Variants in ZNF75D observed in about 807,000 individuals in gnomAD.
ZNF75D encodes the protein zinc finger protein 75.
A neutral mutation model predicts 33.3 loss-of-function variants in ZNF75D; 33 were observed. The ratio of observed to expected loss-of-function variants is 0.99; its 90% CI spans 0.75 to 1.32. ZNF75D has a LOEUF of 1.32. Ranked by LOEUF, ZNF75D falls within the 40% of genes most tolerant of loss-of-function variation. The probability of loss-of-function intolerance (pLI) is 0.00; values close to 1 mark genes in which losing one functional copy is unlikely to be tolerated. For missense variants in ZNF75D, 338 were observed against 367.5 expected, an observed-to-expected ratio of 0.92 and a Z score of 0.66; for synonymous variants, 113 against 130.6, an observed-to-expected ratio of 0.87 and a Z score of 0.92.
intron 1 of ZNF75D, among the ~76,000 whole-genome samples, chrX:135,256,889 C>T (rs1556414274): frequency 8.9e-6 from 1 of 111,924 alleles, no homozygotes; most frequent in Non-Finnish European, 1.9e-5. Flanking sequence ...GGCTCCTTTT[C>T]CAGGCCCTAG....
intron 1 of ZNF75D, among the ~76,000 whole-genome samples, chrX:135,278,454 C>G (rs1324261998): frequency 1.8e-5 from 2 of 111,499 alleles, no homozygotes; most frequent in African/African-American, 3.3e-5. Flanking sequence ...TTGACTTCCT[C>G]TCTTTCTATT....
At chrX:135,328,106 TTG>T (rs1173631307) in intron 1 of ZNF75D, among the ~76,000 whole-genome samples, 1 of 111,536 alleles carries the variant, frequency 9.0e-6, no homozygotes, top group Non-Finnish European at 1.9e-5. Context: ...GGACAGAGCT[TTG>T]TGTTTTTTAT....
intron 1 of ZNF75D, among the ~76,000 whole-genome samples, chrX:135,256,486 T>C (rs991766508): frequency 1.8e-5 from 2 of 112,080 alleles, no homozygotes; most frequent in Non-Finnish European, 3.8e-5. Context: ...CAGTTGAAAC[T>C]TGAGCTTCTT....
At chrX:135,327,902 A>C (rs1048581407) in intron 1 of ZNF75D, 1 of 112,178 alleles carries the variant, frequency 8.9e-6, no homozygotes, top group African/African-American at 3.2e-5. Context: ...TATCACTTTT[A>C]TAATACACAA....
At chrX:135,325,090 A>G (rs187527605) in intron 1 of ZNF75D, among the ~76,000 whole-genome samples, 24 of 110,390 alleles carry the variant, frequency 2.2e-4, no homozygotes, top group African/African-American at 7.2e-4. Context: ...ACTTTCAAGG[A>G]AATGTATATC....
chrX:135,302,164 C>T, intron 1 of ZNF75D, among the ~76,000 whole-genome samples: 1 of 112,203 alleles, frequency 8.9e-6, no homozygotes, highest in Non-Finnish European at 1.9e-5. Context: ...TAAGCAAACA[C>T]ATATGTTACA....
At chrX:135,291,908 T>C (rs1330063128) in intron 4 of ZNF75D, among the ~76,000 whole-genome samples, 4 of 112,213 alleles carry the variant, frequency 3.6e-5, no homozygotes, top group Non-Finnish European at 7.5e-5. Context: ...TGGGAGACTT[T>C]TGTCTTTTAT....
chrX:135,262,892 T>A (rs1465530317), intron 1 of ZNF75D, among the ~76,000 whole-genome samples: 1 of 112,753 alleles, frequency 8.9e-6, no homozygotes, highest in African/African-American at 3.2e-5. Context: ...TTTAGAATTT[T>A]CAACTTTTCT....
chrX:135,301,523 C>T (rs1224574869), intron 1 of ZNF75D, among the ~76,000 whole-genome samples: 1 of 112,139 alleles, frequency 8.9e-6, no homozygotes, highest in Non-Finnish European at 1.9e-5. Flanking sequence ...GGGATATAGG[C>T]GTTGGATAAA....
intron 1 of ZNF75D, chrX:135,298,442 G>A (rs2084165654): frequency 9.0e-6 from 1 of 110,703 alleles, no homozygotes; most frequent in Non-Finnish European, 1.9e-5. Flanking sequence ...CGAAGGAGAT[G>A]CAACAAGTAT....
Position 135,287,395 on chromosome X carries a change from C to T in ZNF75D, c.1275G>A (p.Trp425Ter), listed in dbSNP as rs1374508275. 1 of 1,211,528 alleles carries T rather than the reference C, an allele frequency of 8.3e-7. No homozygotes were observed. The change falls in exon 7 of 7, where the codon TGG becomes TGA. Residue 425 changes from tryptophan (W) to a stop codon, truncating the protein, a stop_gained. Coordinates refer to ENST00000370766, the MANE Select transcript of ZNF75D (RefSeq NM_007131.5). LOFTEE classifies it high-confidence loss of function. Reference sequence around the variant, plus strand: ...TGTTATGACTAAAGCTTTTCCCACACCATGAGCATCTATATGGTTTTATTC... The same window carrying T: ...TGTTATGACTAAAGCTTTTCCCACATCATGAGCATCTATATGGTTTTATTC... The part of the protein sequence containing the change: ...HQGIKPYRCS[W>*]CGKSFSHNTN...
chrX:135,299,121 T>C (rs1206731222), intron 1 of ZNF75D, among the ~76,000 whole-genome samples: 3 of 112,310 alleles, frequency 2.7e-5, no homozygotes, highest in Non-Finnish European at 5.6e-5. Flanking sequence ...TGTGGACATA[T>C]ATTTTTATTT....
intron 4 of ZNF75D, 75 bp downstream of exon 4, chrX:135,292,206 A>C (rs1188552659): frequency 1.9e-6 from 2 of 1,054,620 alleles, no homozygotes; most frequent in Admixed American, 2.4e-5. Flanking sequence ...CACCTGGAAA[A>C]TTCCCAGGAC....
chrX:135,326,515 G>A (rs782335368), intron 1 of ZNF75D, among the ~76,000 whole-genome samples: 1 of 112,307 alleles, frequency 8.9e-6, no homozygotes, highest in African/African-American at 3.2e-5. Flanking sequence ...TCAGCAGGAT[G>A]TGGGTGGGGC....
chrX:135,331,860 C>T (rs1303619714), intron 1 of ZNF75D, among the ~76,000 whole-genome samples: 1 of 111,885 alleles, frequency 8.9e-6, no homozygotes, highest in East Asian at 2.8e-4. Context: ...TCACCCTCCT[C>T]TCTGTCCCTG....
In ZNF75D at chrX:135,308,457, T is replaced by TG. The variant is rs1363340073; in HGVS notation, c.-390-12419dup. Among the ~76,000 whole-genome samples the TG allele has an allele frequency of 5.4e-5, 6 of 111,633 alleles. No individual in the cohort carries two copies. In the Admixed American group the frequency reaches 5.7e-4, roughly 11 times the overall value. Reference sequence around the variant, plus strand: ...GATAAACCTCAACCCTGTTTGGTAATGGGGGGGAAGGTATGGGAGAGTCAT... The same window carrying TG: ...GATAAACCTCAACCCTGTTTGGTAATGGGGGGGGAAGGTATGGGAGAGTCAT... On this transcript the variant is annotated intron_variant, in intron 1 of 6. Transcript: ENST00000370766.
intron 1 of ZNF75D, among the ~76,000 whole-genome samples, chrX:135,280,238 C>T (rs894865999): frequency 4.5e-5 from 5 of 111,675 alleles, no homozygotes; most frequent in African/African-American, 1.3e-4. Flanking sequence ...CATCATGTAA[C>T]GCCCTTCTTT....
At chrX:135,262,732 C>T (rs1022837060) in intron 1 of ZNF75D, among the ~76,000 whole-genome samples, 22 of 112,099 alleles carry the variant, frequency 2.0e-4, no homozygotes, top group African/African-American at 7.1e-4. Context: ...TTGCGATGGA[C>T]TCAAACATCC....
chrX:135,260,015 T>A (rs782444915), intron 1 of ZNF75D, among the ~76,000 whole-genome samples: 45 of 112,138 alleles, frequency 4.0e-4, no homozygotes, highest in Non-Finnish European at 8.1e-4. Flanking sequence ...GGCTGTTGAA[T>A]TTTGTCAAAG....
Sources: allele counts gnomAD v4.1 joint callset (sites outside exome capture counted in the v4.1 genomes callset), GRCh38; gene constraint gnomAD v4.1.1; transcripts MANE v1.5; gene names NCBI Gene and HGNC (gene_info 2026-07-23, HGNC 2026-07-21).